Variants in ALK observed in about 807,000 individuals in gnomAD.
ALK encodes the protein ALK tyrosine kinase receptor.
ALK carries 74 observed loss-of-function variants against 163.1 expected under a neutral mutation model. That is an observed-to-expected ratio of 0.45 (90% CI 0.38 to 0.55). The LOEUF is 0.55. ALK is among the 20% of genes least tolerant of loss of function. The pLI is 0.00. For synonymous variants in ALK, 960 were observed against 843.2 expected (o/e 1.14, Z -2.40); for missense variants, 2,063 against 2,105.3 (o/e 0.98, Z 0.39).
At chr2:29,398,880 G>A (rs904663051) in intron 4 of ALK, among the ~76,000 whole-genome samples, 2 of 152,198 alleles carry the variant, frequency 1.3e-5, no homozygotes, top group Admixed American at 6.5e-5. Context: ...CTGAGCCTCT[G>A]ATTCAAAGCG....
intron 4 of ALK, among the ~76,000 whole-genome samples, chr2:29,505,046 C>T (rs1389683879): frequency 6.6e-6 from 1 of 152,068 alleles, no homozygotes; most frequent in East Asian, 1.9e-4. Flanking sequence ...CTCCAAGGTC[C>T]AGTGTGGTTA....
At chr2:29,270,007 C>T (rs377379448) in intron 11 of ALK, among the ~76,000 whole-genome samples, 2 of 152,204 alleles carry the variant, frequency 1.3e-5, no homozygotes, top group East Asian at 3.9e-4. Context: ...GAAGCCAGAT[C>T]CCTCTGGAAG....
chr2:29,852,861 T>TG (rs756969434), intron 1 of ALK, among the ~76,000 whole-genome samples: 2 of 138,746 alleles, frequency 1.4e-5, no homozygotes, highest in South Asian at 2.5e-4. Context: ...TCTCTCTCTC[T>TG]CTCTCTCTCT....
intron 18 of ALK, among the ~76,000 whole-genome samples, chr2:29,226,108 G>A (rs1015081006): frequency 1.1e-4 from 16 of 151,878 alleles, no homozygotes; most frequent in African/African-American, 3.6e-4. Context: ...CTGGTGGGGC[G>A]GGGGAAGAGA....
chr2:29,733,372 C>G (rs1679800347), intron 1 of ALK, among the ~76,000 whole-genome samples: 1 of 152,076 alleles, frequency 6.6e-6, no homozygotes, highest in Non-Finnish European at 1.5e-5. Context: ...GAAAAGGAGG[C>G]CAGATGGGGA....
intron 1 of ALK, among the ~76,000 whole-genome samples, chr2:29,825,153 T>C (rs1047865221): frequency 1.3e-5 from 2 of 152,240 alleles, no homozygotes; most frequent in Non-Finnish European, 2.9e-5. Flanking sequence ...TCCACCATGA[T>C]TGTGAGGTCT....
chr2:29,201,418 T>C (rs1669175467), intron 26 of ALK, among the ~76,000 whole-genome samples: 1 of 151,910 alleles, frequency 6.6e-6, no homozygotes, highest in Non-Finnish European at 1.5e-5. Flanking sequence ...AACCCAGGAG[T>C]CATCCTTGAC....
chr2:29,332,947 G>C (rs1160289537), intron 5 of ALK, among the ~76,000 whole-genome samples: 1 of 152,154 alleles, frequency 6.6e-6, no homozygotes, highest in Non-Finnish European at 1.5e-5. Context: ...TTGCTTTCTA[G>C]AAGTTAATCC....
intron 4 of ALK, among the ~76,000 whole-genome samples, chr2:29,409,635 T>A (rs1669681044): frequency 6.6e-6 from 1 of 152,202 alleles, no homozygotes; most frequent in Admixed American, 6.5e-5. Context: ...CTTATAATGA[T>A]CACCACTGGC....
chr2:29,316,979 G>A (rs948199742), intron 8 of ALK, among the ~76,000 whole-genome samples: 1 of 152,138 alleles, frequency 6.6e-6, no homozygotes, highest in African/African-American at 2.4e-5. Context: ...TGGAGCCTTG[G>A]TTTTAATTTA....
chr2:29,724,226 GC>G (rs1272806316), intron 1 of ALK, among the ~76,000 whole-genome samples: 5 of 152,114 alleles, frequency 3.3e-5, no homozygotes, highest in African/African-American at 1.2e-4. Flanking sequence ...TTCCTACCTT[GC>G]CTGTACACGT....
chr2:29,496,643 A>G (rs1022938332), intron 4 of ALK, among the ~76,000 whole-genome samples: 2 of 152,250 alleles, frequency 1.3e-5, no homozygotes, highest in African/African-American at 4.8e-5. Context: ...ATCATATATA[A>G]GTTTATGAAA....
intron 3 of ALK, among the ~76,000 whole-genome samples, chr2:29,572,264 C>A (rs1460003823): frequency 6.6e-6 from 1 of 152,192 alleles, no homozygotes; most frequent in Non-Finnish European, 1.5e-5. Context: ...CCAGGTGAGG[C>A]ATATTTGTGG....
intron 4 of ALK, among the ~76,000 whole-genome samples, chr2:29,413,285 T>A (rs781443915): frequency 4.5e-4 from 68 of 152,274 alleles, no homozygotes; most frequent in Non-Finnish European, 7.8e-4. Flanking sequence ...CTCTTTTCTT[T>A]ATAAGTAGAA....
chr2:29,273,240 G>A (rs1296177844), intron 11 of ALK, among the ~76,000 whole-genome samples: 8 of 152,240 alleles, frequency 5.3e-5, no homozygotes, highest in East Asian at 1.9e-4. Flanking sequence ...TGCTGGGCAC[G>A]TGTCTGCTGG....
At chr2:29,864,377 T>C (rs1432616047) in intron 1 of ALK, among the ~76,000 whole-genome samples, 1 of 152,222 alleles carries the variant, frequency 6.6e-6, no homozygotes, top group Non-Finnish European at 1.5e-5. Context: ...GGCAGAGCAG[T>C]ACTCCTGGCC....
intron 3 of ALK, among the ~76,000 whole-genome samples, chr2:29,606,925 T>C (rs1429475683): frequency 6.6e-6 from 1 of 152,198 alleles, no homozygotes; most frequent in Non-Finnish European, 1.5e-5. Flanking sequence ...CTCTTAGAAA[T>C]ACACAGTGCT....
chr2:29,664,722 A>T (rs530020056), intron 3 of ALK, among the ~76,000 whole-genome samples: 1 of 152,106 alleles, frequency 6.6e-6, no homozygotes, highest in African/African-American at 2.4e-5. Flanking sequence ...AGGTCCTACT[A>T]TCAGGAGTGA....
intron 1 of ALK, among the ~76,000 whole-genome samples, chr2:29,914,910 A>G (rs1343927790): frequency 2.0e-5 from 3 of 152,248 alleles, no homozygotes; most frequent in Admixed American, 6.5e-5. Flanking sequence ...ATTTTGTGCT[A>G]TATGACCTGG....
Sources: gnomAD v4.1 joint callset for allele counts (sites outside exome capture counted in the v4.1 genomes callset) on GRCh38, gnomAD v4.1.1 for gene constraint, MANE v1.5 for transcripts, NCBI Gene and HGNC (gene_info 2026-07-23, HGNC 2026-07-21) for gene names.